GABRG2: variants seen among roughly 807,000 people sequenced by gnomAD.
GABRG2 encodes gamma-aminobutyric acid type A receptor subunit gamma2, also known as gamma-aminobutyric acid receptor subunit gamma-2.
Under a neutral mutation model 56.4 loss-of-function variants are expected in GABRG2, and 16 were observed. The observed-to-expected ratio is 0.28, with a 90% CI of 0.19 to 0.43. The LOEUF is 0.43. Among genes scored for constraint, GABRG2 ranks in the 20% least tolerant of loss-of-function variants. The probability of loss-of-function intolerance (pLI) is 1.00; values close to 1 mark genes in which losing one functional copy is unlikely to be tolerated. For synonymous variants in GABRG2, 208 were observed against 205.5 expected (o/e 1.01, Z -0.10); for missense variants, 327 against 582.7 (o/e 0.56, Z 4.52).
intron 6 of GABRG2, among the ~76,000 whole-genome samples, chr5:162,128,596 TTCCTC>T (rs569043733): frequency 2.6e-5 from 4 of 151,942 alleles, no homozygotes; most frequent in Non-Finnish European, 5.9e-5. Flanking sequence ...GCTGAGCTCC[TTCCTC>T]TCCTCTCCTC....
chr5:162,130,948 G>A (rs1166459903), intron 6 of GABRG2, among the ~76,000 whole-genome samples: 1 of 151,900 alleles, frequency 6.6e-6, no homozygotes, highest in South Asian at 2.1e-4. Flanking sequence ...TGATTCAAGA[G>A]AGCTTATCAA....
rs17060112 is a variant in GABRG2 at position 162,142,083 on chromosome 5, A to G, written c.770-81A>G. ...ACTCTTAATTTAAATGTGTGTGCATAACCATTAAATACATGCTTAGTTTTA... is the reference window on the plus strand; with the variant it reads ...ACTCTTAATTTAAATGTGTGTGCATGACCATTAAATACATGCTTAGTTTTA... On this transcript the variant is annotated intron_variant, in intron 6 of 9. Transcript: ENST00000639213. The G allele has an allele frequency of 0.13, 190,932 of 1,453,562 alleles. 13,691 individuals are homozygous for G. The highest frequency in any genetic ancestry group is 0.17 in the African/African-American group (12,421 of 71,778). 90.0% of individuals were successfully genotyped at this position (1,453,562 alleles called of 1,614,324 possible).
intron 6 of GABRG2, among the ~76,000 whole-genome samples, chr5:162,141,814 G>A (rs929833006): frequency 1.3e-5 from 2 of 151,974 alleles, no homozygotes; most frequent in African/African-American, 4.8e-5. Flanking sequence ...GACAAGATAC[G>A]CACAATGTAG....
intron 6 of GABRG2, among the ~76,000 whole-genome samples, chr5:162,134,236 C>G (rs186635829): frequency 1.3e-5 from 2 of 152,202 alleles, no homozygotes; most frequent in East Asian, 1.9e-4. Context: ...GATAAAGCAT[C>G]CTTCTTTGAT....
chr5:162,123,366 CTTTA>C (rs922079171), intron 6 of GABRG2, among the ~76,000 whole-genome samples: 3 of 148,434 alleles, frequency 2.0e-5, no homozygotes, highest in African/African-American at 7.5e-5. Context: ...CATATGAAAC[CTTTA>C]TTTATCTAAT....
chr5:162,070,061 G>A (rs898831384), intron 1 of GABRG2, among the ~76,000 whole-genome samples: 3 of 152,148 alleles, frequency 2.0e-5, no homozygotes, highest in South Asian at 4.1e-4. Context: ...CTTTACTATA[G>A]TTTATAAGAA....
chr5:162,102,374 A>G (rs1761490315), intron 5 of GABRG2: 2 of 394,304 alleles, frequency 5.1e-6, no homozygotes, highest in African/African-American at 4.1e-5. Context: ...GTCAGCTAAA[A>G]TTCAAGAACT....
rs183482157 is a variant in GABRG2 at position 162,117,355 on chromosome 5, G to A, written c.769+13329G>A. Among the ~76,000 whole-genome samples, 506 of 152,192 alleles carry A rather than the reference G, an allele frequency of 3.3e-3. 1 individual carries two copies. Among genetic ancestry groups the A allele is most frequent in the African/African-American group, 0.012 (492 of 41,548 alleles). ...ACCAGAATCATCTCCTTGTCAGTAG[G>A]AGGAAGTAATTGAAAATGATTTAAT... On this transcript the variant is annotated intron_variant, in intron 6 of 9. Transcript: ENST00000639213.
At chr5:162,114,981 T>C (rs1038959676) in intron 6 of GABRG2, among the ~76,000 whole-genome samples, 12 of 152,206 alleles carry the variant, frequency 7.9e-5, no homozygotes, top group African/African-American at 2.9e-4. Flanking sequence ...TGCCATTGTC[T>C]TGCACATTAG....
intron 1 of GABRG2, among the ~76,000 whole-genome samples, chr5:162,073,992 C>CT (rs1758884390): frequency 6.6e-6 from 1 of 151,868 alleles, no homozygotes; most frequent in Middle Eastern, 3.4e-3. Context: ...CACCCCCCGG[C>CT]TTTTTTTATC....
intron 6 of GABRG2, among the ~76,000 whole-genome samples, chr5:162,106,917 G>GC (rs1554098435): frequency 0.15 from 1,232 of 8,402 alleles, 13 homozygotes; most frequent in African/African-American, 0.3. Context: ...TTGTGTCTTG[G>GC]GTGGGGGGTT....
chr5:162,153,751 C>G lies in GABRG2; in HGVS notation c.*383C>G. The G allele has an allele frequency of 4.1e-6, 1 of 245,074 alleles. No homozygotes were observed. Among genetic ancestry groups the G allele is most frequent in the Non-Finnish European group, 8.0e-6 (1 of 124,304 alleles). 15.2% of individuals were successfully genotyped at this position (245,074 alleles called of 1,614,324 possible). Reference sequence around the variant, plus strand: ...TCCAAAACTGTACCCTATGTTCACTCCGGGTCAAGTTGTGATAAATTTGAT... The same window carrying G: ...TCCAAAACTGTACCCTATGTTCACTGCGGGTCAAGTTGTGATAAATTTGAT... On this transcript the variant is annotated 3_prime_UTR_variant, in exon 10 of 10. Coordinates refer to ENST00000639213, the MANE Select transcript of GABRG2 (RefSeq NM_198904.4).
chr5:162,090,961 T>C (rs1232512278), intron 1 of GABRG2, among the ~76,000 whole-genome samples: 1 of 152,158 alleles, frequency 6.6e-6, no homozygotes, highest in Non-Finnish European at 1.5e-5. Context: ...GAGGTTTTTA[T>C]GTCCAAAGCA....
chr5:162,068,095 G>T lies in GABRG2; in HGVS notation c.96G>T (p.Ser32=). Residue 32 remains serine (S), a synonymous_variant, in exon 1 of 10, where the codon TCG becomes TCT. Transcript: ENST00000639213. ...CGGTGTGGATTCTGCTCCTGCTGTC[G>T]CTCTACCCTGGGTAAGATGTGCCCT... is the stretch of plus-strand genomic sequence containing the variant. ...KMTVWILLLL[S]LYPGFTSQKS... is the part of the protein sequence containing the mutation. The T allele has an allele frequency of 6.2e-7, 1 of 1,611,896 alleles. No individual in the cohort carries two copies. Among genetic ancestry groups the T allele is most frequent in the Non-Finnish European group, 8.5e-7 (1 of 1,178,640 alleles).
chr5:162,076,107 G>A (rs115428120), intron 1 of GABRG2, among the ~76,000 whole-genome samples: 173 of 152,162 alleles, frequency 1.1e-3, no homozygotes, highest in African/African-American at 3.6e-3. Flanking sequence ...AGCCATGTTT[G>A]CACCACTGTA....
chr5:162,139,916 A>C (rs1198184301), intron 6 of GABRG2, among the ~76,000 whole-genome samples: 6 of 152,170 alleles, frequency 3.9e-5, no homozygotes, highest in African/African-American at 1.2e-4. Flanking sequence ...ATTTGCCTTT[A>C]GTATTCTGAT....
chr5:162,087,036 A>T (rs1434655395), intron 1 of GABRG2, among the ~76,000 whole-genome samples: 2 of 152,082 alleles, frequency 1.3e-5, no homozygotes, highest in Non-Finnish European at 2.9e-5. Context: ...TCCCTCCAGC[A>T]GTATAGAGTC....
chr5:162,149,338 C>T (rs1233885055), intron 8 of GABRG2, 25 bp downstream of exon 8: 1 of 1,608,206 alleles, frequency 6.2e-7, no homozygotes, highest in African/African-American at 1.3e-5. Flanking sequence ...CCATTGGCAC[C>T]ATTGAAATTT....
chr5:162,095,486 T>A lies in GABRG2; in HGVS notation c.260-9T>A. Reference sequence around the variant, plus strand: ...CTATGTGCACACATTTCTATGTTTCTCTTTACAGTGAAGCCAACGTTAATT... The same window carrying A: ...CTATGTGCACACATTTCTATGTTTCACTTTACAGTGAAGCCAACGTTAATT... On this transcript the variant is annotated splice_polypyrimidine_tract_variant and intron_variant, in intron 2 of 9. Coordinates refer to ENST00000639213, the MANE Select transcript of GABRG2 (RefSeq NM_198904.4). 6.3e-7 allele frequency: 1 copy of A among 1,581,696 alleles called. No homozygotes were observed. The highest frequency in any genetic ancestry group is 8.7e-7 in the Non-Finnish European group (1 of 1,151,558).
Sources: allele counts gnomAD v4.1 joint callset (sites outside exome capture counted in the v4.1 genomes callset), GRCh38; gene constraint gnomAD v4.1.1; transcripts MANE v1.5; gene names NCBI Gene and HGNC (gene_info 2026-07-23, HGNC 2026-07-21).